XKR4: variants seen among roughly 807,000 people sequenced by gnomAD.
XKR4 encodes the protein XK related 4.
Under a neutral mutation model 53.9 loss-of-function variants are expected in XKR4, and 12 were observed. The ratio of observed to expected loss-of-function variants is 0.22; its 90% CI spans 0.14 to 0.36. The LOEUF (loss-of-function observed/expected upper bound fraction) is 0.36. Among genes scored for constraint, XKR4 ranks in the 10% least tolerant of loss-of-function variants. The pLI is 1.00. For missense variants in XKR4, 799 were observed against 859.5 expected (o/e 0.93, Z 0.88); for synonymous variants, 354 against 362.4 (o/e 0.98, Z 0.26).
In XKR4 at chr8:55,278,559, G is replaced by A. The variant is rs1451953879; in HGVS notation, c.807-79119G>A. Reference sequence around the variant, plus strand: ...CAGTTTATAAAAACTTCACTTGACTGAGGAAGTACCAACTGGAATTGTCAC... The same window carrying A: ...CAGTTTATAAAAACTTCACTTGACTAAGGAAGTACCAACTGGAATTGTCAC... On this transcript the variant is annotated intron_variant, in intron 1 of 2. Transcript: ENST00000327381. Among the ~76,000 whole-genome samples the A allele has an allele frequency of 3.9e-5, 6 of 152,198 alleles. No individual in the cohort carries two copies. In the East Asian group the frequency reaches 9.6e-4, roughly 24 times the overall value.
chr8:55,311,851 A>AAG (rs1819394686), intron 1 of XKR4, among the ~76,000 whole-genome samples: 1 of 135,166 alleles, frequency 7.4e-6, no homozygotes, highest in Non-Finnish European at 1.6e-5. Flanking sequence ...AAAAAAAAAA[A>AAG]GAAAAGAAAA....
At chr8:55,158,990 A>G (rs967339360) in intron 1 of XKR4, among the ~76,000 whole-genome samples, 3 of 152,106 alleles carry the variant, frequency 2.0e-5, no homozygotes, top group African/African-American at 7.2e-5. Context: ...TATGAATTTT[A>G]AACGTTTTTT....
At chr8:55,373,407 T>C (rs1040338845) in intron 2 of XKR4, among the ~76,000 whole-genome samples, 3 of 152,174 alleles carry the variant, frequency 2.0e-5, no homozygotes, top group African/African-American at 7.2e-5. Context: ...CCTCAAGTGA[T>C]CTACCCGCCT....
At chr8:55,323,354 A>G (rs1803244055) in intron 1 of XKR4, among the ~76,000 whole-genome samples, 1 of 152,214 alleles carries the variant, frequency 6.6e-6, no homozygotes, top group Admixed American at 6.5e-5. Context: ...GGTCAATCCT[A>G]ACCCCAACTC....
At chr8:55,443,354 A>T (rs1805297594) in intron 2 of XKR4, among the ~76,000 whole-genome samples, 1 of 151,666 alleles carries the variant, frequency 6.6e-6, no homozygotes, top group Admixed American at 6.6e-5. Context: ...ATCTCAATAG[A>T]TGCAGAAAAA....
chr8:55,513,457 A>G (rs1187580915), intron 2 of XKR4, among the ~76,000 whole-genome samples: 2 of 152,136 alleles, frequency 1.3e-5, no homozygotes, highest in Admixed American at 6.5e-5. Flanking sequence ...CCTTCCCACA[A>G]ATAGGGGCAG....
intron 1 of XKR4, among the ~76,000 whole-genome samples, chr8:55,188,176 A>G (rs544535068): frequency 9.8e-5 from 15 of 152,356 alleles, no homozygotes; most frequent in African/African-American, 3.6e-4. Flanking sequence ...AGTTACAACT[A>G]GAATTAAATC....
chr8:55,431,534 T>C (rs1304641361), intron 2 of XKR4, among the ~76,000 whole-genome samples: 2 of 152,196 alleles, frequency 1.3e-5, no homozygotes, highest in East Asian at 3.8e-4. Context: ...TGAAAACTCA[T>C]GTTGTTCCTA....
intron 2 of XKR4, among the ~76,000 whole-genome samples, chr8:55,358,605 A>G (rs993922875): frequency 1.3e-5 from 2 of 152,354 alleles, no homozygotes; most frequent in East Asian, 3.9e-4. Context: ...CAGCAAGAAG[A>G]TTAGACAGAC....
rs941124409 is a variant in XKR4, at chr8:55,299,669, C to T, written c.807-58009C>T. On this transcript the variant is annotated intron_variant, in intron 1 of 2. Coordinates refer to ENST00000327381, the MANE Select transcript of XKR4 (RefSeq NM_052898.2). ...GGGATAAATGTTGTAGAAAATAGAA[C>T]GACTTGGTGACTTGGTATACAGAGT... 4.6e-5 allele frequency among the ~76,000 whole-genome samples: 7 copies of T among 152,070 alleles called. No individual in the cohort carries two copies. In the South Asian group the frequency reaches 1.0e-3, roughly 23 times the overall value.
intron 1 of XKR4, among the ~76,000 whole-genome samples, chr8:55,297,217 G>A (rs1819113041): frequency 6.6e-6 from 1 of 152,140 alleles, no homozygotes; most frequent in African/African-American, 2.4e-5. Context: ...AGAGCTTGGG[G>A]AGCACATTTA....
Position 55,119,543 on chromosome 8 carries a change from C to G in XKR4, c.806+16249C>G, listed in dbSNP as rs547755679. 2.0e-5 allele frequency among the ~76,000 whole-genome samples: 3 copies of G among 152,232 alleles called. No homozygotes were observed. In the East Asian group the frequency reaches 5.8e-4, roughly 29 times the overall value. On this transcript the variant is annotated intron_variant, in intron 1 of 2. Coordinates refer to ENST00000327381, the MANE Select transcript of XKR4 (RefSeq NM_052898.2). ...GGTTTGGGGCCAAACTAACCAGCAACTTGGGCGCTCTCTTAAGGAATCCGA... is the reference window on the plus strand; with the variant it reads ...GGTTTGGGGCCAAACTAACCAGCAAGTTGGGCGCTCTCTTAAGGAATCCGA...
At chr8:55,108,828 G>A (rs1816190444) in intron 1 of XKR4, among the ~76,000 whole-genome samples, 1 of 152,050 alleles carries the variant, frequency 6.6e-6, no homozygotes, top group African/African-American at 2.4e-5. Context: ...CTTCTATTTT[G>A]CAGATGTGGA....
In XKR4 at chr8:55,147,008, G is replaced by A. The variant is rs535304224; in HGVS notation, c.806+43714G>A. ...CATGCAATATCCAACACAATGAAAT[G>A]CTGTTTTTGAAAATAATTTGGGCAC... On this transcript the variant is annotated intron_variant, in intron 1 of 2. Coordinates refer to ENST00000327381, the MANE Select transcript of XKR4 (RefSeq NM_052898.2). Among the ~76,000 whole-genome samples the A allele has an allele frequency of 2.0e-5, 3 of 152,304 alleles. No individual in the cohort carries two copies. The East Asian group carries it at 5.8e-4, about 29-fold the overall frequency.
intron 1 of XKR4, among the ~76,000 whole-genome samples, chr8:55,287,124 T>G (rs550847590): frequency 4.0e-5 from 1 of 24,904 alleles, no homozygotes; most frequent in Non-Finnish European, 1.4e-4. Flanking sequence ...ATCAAATAAT[T>G]ATTGGGTGGG....
chr8:55,423,009 C>T (rs1045793019), intron 2 of XKR4, among the ~76,000 whole-genome samples: 1 of 152,070 alleles, frequency 6.6e-6, no homozygotes, highest in African/African-American at 2.4e-5. Flanking sequence ...AGACAATGCC[C>T]CATGTCAACA....
intron 2 of XKR4, among the ~76,000 whole-genome samples, chr8:55,436,855 A>G (rs1805184347): frequency 6.6e-6 from 1 of 152,170 alleles, no homozygotes; most frequent in African/African-American, 2.4e-5. Context: ...AATATCACAG[A>G]GGGCCCGGTA....
chr8:55,462,206 G>T (rs937027343), intron 2 of XKR4, among the ~76,000 whole-genome samples: 2 of 152,208 alleles, frequency 1.3e-5, no homozygotes, highest in African/African-American at 4.8e-5. Flanking sequence ...AGGAAAAAAT[G>T]TTAAGGGCAG....
chr8:55,131,147 G>A (rs1276348072), intron 1 of XKR4, among the ~76,000 whole-genome samples: 7 of 90,306 alleles, frequency 7.8e-5, no homozygotes, highest in Admixed American at 3.9e-4. Context: ...CAACAAGAGC[G>A]AAATGGCTGT....
Sources: gnomAD v4.1 joint callset for allele counts (sites outside exome capture counted in the v4.1 genomes callset) on GRCh38, gnomAD v4.1.1 for gene constraint, MANE v1.5 for transcripts, NCBI Gene and HGNC (gene_info 2026-07-23, HGNC 2026-07-21) for gene names.